The following MACF1 variants were observed in gnomAD, a reference collection of about 807,000 sequenced individuals.
MACF1 encodes microtubule actin crosslinking factor 1, also known as microtubule-actin cross-linking factor 1.
In MACF1, 193 loss-of-function variants were observed where a neutral mutation model predicts 854.8. The observed-to-expected ratio is 0.23, with a 90% CI of 0.20 to 0.25. The LOEUF is 0.25. Among genes scored for constraint, MACF1 ranks in the 10% least tolerant of loss-of-function variants. The probability of loss-of-function intolerance (pLI) is 1.00; values close to 1 mark genes in which losing one functional copy is unlikely to be tolerated. For missense variants in MACF1, 7,722 were observed against 8,929.1 expected (o/e 0.86, Z 5.45); for synonymous variants, 3,185 against 3,226.7 (o/e 0.99, Z 0.44).
At chr1:39,300,419 G>C in intron 22 of MACF1, 57 bp downstream of exon 22, 171 of 1,499,554 alleles carry the variant, frequency 1.1e-4, no homozygotes, top group Non-Finnish European at 1.4e-4. Context: ...AAGAAGGGAA[G>C]CCTTCAGTTA....
chr1:39,447,971 C>T (rs783837), intron 82 of MACF1, 62 bp from the exon 83 acceptor site: 167 of 1,610,754 alleles, frequency 1.0e-4, no homozygotes, highest in Non-Finnish European at 7.8e-5. Context: ...TGGGATGATT[C>T]TCAAACGTGC....
intron 3 of MACF1, among the ~76,000 whole-genome samples, chr1:39,250,838 C>T (rs1178698468): frequency 1.3e-5 from 2 of 152,156 alleles, no homozygotes; most frequent in African/African-American, 4.8e-5. Flanking sequence ...GGAAATCACC[C>T]ACTTGTAGGC....
chr1:39,480,224 CATTT>C, intron 98 of MACF1: 1 of 536,422 alleles, frequency 1.9e-6, no homozygotes, highest in South Asian at 2.6e-5. Flanking sequence ...CTCCAAAGGA[CATTT>C]ATTAAAATAT....
In MACF1 at chr1:39,334,935, G is replaced by A. The variant is rs1267401737; in HGVS notation, c.8347G>A (p.Ala2783Thr). The A allele has an allele frequency of 1.2e-6, 2 of 1,614,044 alleles. No individual in the cohort carries two copies. The highest frequency in any genetic ancestry group is 3.3e-5 in the Admixed American group (2 of 60,000). Residue 2783 changes from alanine to threonine, a missense_variant, in exon 37 of 101, where the codon GCA becomes ACA. Ala to Thr is a moderately conservative substitution (Grantham distance 58). This residue lies in a region of MACF1 where 1,531 missense variants were observed against 1,601.6 expected (regional missense o/e 0.96). Coordinates refer to ENST00000564288, the MANE Select transcript of MACF1 (RefSeq NM_001394062.1). ...IEKQEGIEVC[A>T]LQNEFLGKDM... ...AAAGCAAGAAGGGATTGAAGTGTGT[G>A]CATTACAAAATGAATTTCTAGGAAA...
rs1418249936 is a variant in MACF1 at position 39,333,341 on chromosome 1, T to C, written c.6753T>C (p.Gly2251=). ...KESQEAQNIA[G]GSMMMSEKTD... ...GTCAAGAAGCACAGAACATCGCAGG[T>C]GGTAGTATGATGATGTCAGAAAAGA... Residue 2251 remains glycine, a synonymous_variant, in exon 37 of 101, where the codon GGT becomes GGC. Transcript: ENST00000564288. 2 of 1,613,924 alleles carry C rather than the reference T, an allele frequency of 1.2e-6. No individual in the cohort carries two copies. The highest frequency in any genetic ancestry group is 1.7e-6 in the Non-Finnish European group (2 of 1,180,004).
intron 99 of MACF1, 127 bp from the exon 100 acceptor site, chr1:39,484,474 T>C: frequency 1.3e-6 from 1 of 792,990 alleles, no homozygotes; most frequent in Non-Finnish European, 2.0e-6. Context: ...AAATCTTTGT[T>C]TTCCTGGACT....
intron 6 of MACF1, chr1:39,268,519 C>A (rs957715054): frequency 2.6e-6 from 3 of 1,149,658 alleles, no homozygotes; most frequent in Non-Finnish European, 3.3e-6. Flanking sequence ...CTGTCTGAAT[C>A]GGCAGCGGCT....
chr1:39,165,015 A>G (rs901296589), intron 2 of MACF1, among the ~76,000 whole-genome samples: 2 of 152,202 alleles, frequency 1.3e-5, no homozygotes, highest in South Asian at 2.1e-4. Flanking sequence ...CCTGGAGCAG[A>G]TAACGTGAGG....
intron 1 of MACF1, among the ~76,000 whole-genome samples, chr1:39,218,037 G>T (rs1395800455): frequency 6.6e-6 from 1 of 151,928 alleles, no homozygotes; most frequent in Non-Finnish European, 1.5e-5. Flanking sequence ...CAAAAAATTA[G>T]CTGGGCATGG....
Position 39,443,569 on chromosome 1 carries a change from C to A in MACF1, c.19426C>A (p.His6476Asn), listed in dbSNP as rs763669348. Residue 6476 changes from histidine to asparagine, a missense_variant, in exon 79 of 101, where the codon CAT (histidine) becomes AAT (asparagine). Physicochemically the swap from His to Asn is moderately conservative, Grantham distance 68. Coordinates refer to ENST00000564288, the MANE Select transcript of MACF1 (RefSeq NM_001394062.1). The stretch of plus-strand genomic sequence containing the variant: ...AACTGCTAGGGAACAGCTTGATACA[C>A]ATATGGTAATAGCAATTTTTTGAAA... The part of the protein sequence containing the change: ...PETAREQLDT[H>N]MELYSQLKAK... 3 of 1,595,044 alleles carry A rather than the reference C, an allele frequency of 1.9e-6. No homozygotes were observed. Among genetic ancestry groups the A allele is most frequent in the Non-Finnish European group, 2.6e-6 (3 of 1,174,826 alleles).
chr1:39,372,448 A>G, intron 51 of MACF1, 31 bp from the exon 52 acceptor site: 1 of 1,298,532 alleles, frequency 7.7e-7, no homozygotes, highest in African/African-American at 1.5e-5. Flanking sequence ...AGCCCCAGAT[A>G]CTACATTTGG....
At chr1:39,181,064 C>T (rs1307111317) in intron 2 of MACF1, among the ~76,000 whole-genome samples, 1 of 152,166 alleles carries the variant, frequency 6.6e-6, no homozygotes, top group African/African-American at 2.4e-5. Context: ...TGCTACCATG[C>T]CCAGCTAATA....
At chr1:39,446,880 G>A (rs1310342304) in intron 80 of MACF1, among the ~76,000 whole-genome samples, 1 of 152,160 alleles carries the variant, frequency 6.6e-6, no homozygotes, top group Non-Finnish European at 1.5e-5. Flanking sequence ...TGCCTAGAAT[G>A]TCTTGGCTTC....
In MACF1 at chr1:39,372,564, A is replaced by T; in HGVS notation, c.13181A>T (p.Glu4394Val). Residue 4394 changes from glutamate (E) to valine (V), a missense_variant, in exon 52 of 101, where the codon GAA becomes GTA. Glu to Val is a moderately radical substitution (Grantham distance 121). Around this residue, in one of 15 missense-constraint regions of MACF1, gnomAD observed 2,807 missense variants for 3,235.8 expected, o/e 0.87. Coordinates refer to ENST00000564288, the MANE Select transcript of MACF1 (RefSeq NM_001394062.1). ...ACTTCTTTAGAAAATCTCATCATGGAAATCACAGCACCTGATTCCCAAGGC... is the reference window on the plus strand; with the variant it reads ...ACTTCTTTAGAAAATCTCATCATGGTAATCACAGCACCTGATTCCCAAGGC... ...KGTSLENLIM[E>V]ITAPDSQGKT... is the part of the protein sequence containing the mutation. The T allele has an allele frequency of 6.2e-7, 1 of 1,613,370 alleles. No homozygotes were observed. Among genetic ancestry groups the T allele is most frequent in the East Asian group, 2.2e-5 (1 of 44,850 alleles).
intron 97 of MACF1, among the ~76,000 whole-genome samples, chr1:39,475,923 G>T (rs1328621570): frequency 6.6e-6 from 1 of 152,142 alleles, no homozygotes; most frequent in African/African-American, 2.4e-5. Context: ...TTTAGAAGTG[G>T]GCAGGGAGGA....
At position 39,363,604 on chromosome 1, in the gene MACF1, C is replaced by CTTTCTTT. The variant is rs771066867; in HGVS notation, c.12771+1930_12771+1931insCTTTTTT. On this transcript the variant is annotated intron_variant, in intron 49 of 100. Transcript: ENST00000564288. Reference sequence around the variant, plus strand: ...AACAAGACTCTTTCTTTCTTTCTTTCTTTTTTTTTTTTTTTTGAGACAGAG... The same window carrying CTTTCTTT: ...AACAAGACTCTTTCTTTCTTTCTTTCTTTCTTTTTTTTTTTTTTTTTTTGAGACAGAG... Among the ~76,000 whole-genome samples the CTTTCTTT allele has an allele frequency of 4.4e-5, 6 of 136,086 alleles. No homozygotes were observed. In the East Asian group the frequency reaches 1.0e-3, roughly 24 times the overall value. The allele number at this position is 136,086 out of a possible 152,430, so 89.3% of individuals were successfully genotyped here.
chr1:39,209,623 C>T (rs1182422836), intron 1 of MACF1, among the ~76,000 whole-genome samples: 2 of 62,342 alleles, frequency 3.2e-5, no homozygotes, highest in African/African-American at 1.2e-4. Context: ...ATTCCATCAC[C>T]TCCCCATCCT....
chr1:39,128,796 C>A (rs142263256), intron 2 of MACF1, among the ~76,000 whole-genome samples: 90 of 152,318 alleles, frequency 5.9e-4, no homozygotes, highest in African/African-American at 2.1e-3. Context: ...AGTTCAAGTC[C>A]TCCCTTTTAC....
At chr1:39,322,514 A>G (rs376086975) in intron 31 of MACF1, 94 bp from the exon 32 acceptor site, 12 of 1,128,960 alleles carry the variant, frequency 1.1e-5, no homozygotes, top group Non-Finnish European at 1.6e-5. Context: ...GTGGTCACCA[A>G]AACGCTTCCA....
Sources: gnomAD v4.1 joint callset for allele counts (sites outside exome capture counted in the v4.1 genomes callset) on GRCh38, gnomAD v4.1.1 for gene constraint, gnomAD v4.1.1 regional missense constraint, MANE v1.5 for transcripts, NCBI Gene and HGNC (gene_info 2026-07-23, HGNC 2026-07-21) for gene names.